LAMA3: variants seen among roughly 807,000 people sequenced by gnomAD.
The protein encoded by LAMA3 is laminin subunit alpha-3.
A neutral mutation model predicts 402.0 loss-of-function variants in LAMA3; 281 were observed. The ratio of observed to expected loss-of-function variants is 0.70; its 90% confidence interval spans 0.63 to 0.77. The LOEUF (loss-of-function observed/expected upper bound fraction) is 0.77. Among genes scored for constraint, LAMA3 ranks in the 30% least tolerant of loss-of-function variants. The pLI is 0.00. For missense variants in LAMA3, 3,840 were observed against 4,215.5 expected (o/e 0.91, Z 2.47); for synonymous variants, 1,431 against 1,558.4 (o/e 0.92, Z 1.93).
At chr18:23,944,059 A>G in intron 69 of LAMA3, 88 bp downstream of exon 69, 1 of 1,311,288 alleles carries the variant, frequency 7.6e-7, no homozygotes, top group Non-Finnish European at 1.1e-6. Context: ...CATCCTTCCC[A>G]GACATGAGGG....
chr18:23,819,610 T>C (rs1230778282), intron 18 of LAMA3, among the ~76,000 whole-genome samples: 2 of 152,238 alleles, frequency 1.3e-5, no homozygotes, highest in East Asian at 3.8e-4. Context: ...TAAACGATTT[T>C]CTCATCTTAA....
At chr18:23,753,669 AG>A (rs2061791290) in intron 5 of LAMA3, 51 bp from the exon 6 acceptor site, 1 of 1,400,454 alleles carries the variant, frequency 7.1e-7, no homozygotes, top group African/African-American at 1.4e-5. Flanking sequence ...AGTAAGAGAA[AG>A]TTTTTGTCAC....
intron 38 of LAMA3, 150 bp downstream of exon 38, chr18:23,871,811 C>T (rs1388273421): frequency 2.3e-5 from 16 of 690,762 alleles, no homozygotes; most frequent in Non-Finnish European, 3.9e-5. Flanking sequence ...CTTACTTAGA[C>T]TCCCTTCAGG....
chr18:23,787,835 C>T (rs2062575097), intron 12 of LAMA3, among the ~76,000 whole-genome samples: 2 of 152,092 alleles, frequency 1.3e-5, no homozygotes, highest in South Asian at 4.1e-4. Context: ...AAAGGATGTT[C>T]TTAAAGCTGA....
At chr18:23,884,394 T>C (rs146887934) in intron 40 of LAMA3, among the ~76,000 whole-genome samples, 2 of 152,206 alleles carry the variant, frequency 1.3e-5, no homozygotes, top group Non-Finnish European at 2.9e-5. Flanking sequence ...CGTTTTTTTT[T>C]AAAGAATCAG....
At chr18:23,816,559 C>T (rs1325640449) in intron 18 of LAMA3, 72 bp downstream of exon 18, 3 of 1,251,546 alleles carry the variant, frequency 2.4e-6, no homozygotes, top group Non-Finnish European at 3.5e-6. Flanking sequence ...GCCTGTGCTA[C>T]AGCTCTGGAG....
At chr18:23,801,398 A>G (rs901960764) in intron 12 of LAMA3, among the ~76,000 whole-genome samples, 1 of 152,178 alleles carries the variant, frequency 6.6e-6, no homozygotes, top group Admixed American at 6.6e-5. Context: ...AACCTCAGCA[A>G]CACTCAGTTT....
chr18:23,939,766 C>T (rs1015590200), intron 68 of LAMA3, among the ~76,000 whole-genome samples: 1 of 152,038 alleles, frequency 6.6e-6, no homozygotes, highest in East Asian at 1.9e-4. Context: ...TTTTGGTAGA[C>T]GCAGTGCCAG....
chr18:23,763,495 C>A lies in LAMA3; in HGVS notation c.1154C>A (p.Ala385Asp), dbSNP rs772044341. ...AGCTTGAATACCCAGGGCATCTATG[C>A]TGGTGGAGGGGTCTGCATTAACTGT... The part of the protein sequence containing the change: ...QASLNTQGIY[A>D]GGGVCINCQH... The change falls in exon 8 of 75, where the codon GCT becomes GAT. Residue 385 changes from alanine (A) to aspartate (D), a missense_variant. This residue lies in a region of LAMA3 where 2,109 missense variants were observed against 2,376.0 expected (regional missense o/e 0.89). Coordinates refer to ENST00000313654, the MANE Select transcript of LAMA3 (RefSeq NM_198129.4). 1.5e-4 allele frequency: 243 copies of A among 1,610,584 alleles called. 1 individual carries two copies. The highest frequency in any genetic ancestry group is 3.7e-5 in the Non-Finnish European group (43 of 1,176,970).
chr18:23,915,517 A>C (rs1356695725), intron 59 of LAMA3, 95 bp downstream of exon 59: 1 of 1,231,680 alleles, frequency 8.1e-7, no homozygotes, highest in Non-Finnish European at 1.2e-6. Flanking sequence ...GTGAGATGCT[A>C]TTGATGTTGC....
Position 23,899,455 on chromosome 18 carries a change from T to C in LAMA3, c.6004T>C (p.Leu2002=). ...AGCTGATAAAAGGGAGTCGCAGCTCTGTAAGAATGCTCCCAAATTCTTGCA... is the reference window on the plus strand; with the variant it reads ...AGCTGATAAAAGGGAGTCGCAGCTCCGTAAGAATGCTCCCAAATTCTTGCA... The part of the protein sequence containing the change: ...AEADKRESQL[L]LNRIRTWQKT... The change falls in exon 47 of 75, where the codon TTG becomes CTG. Residue 2002 remains leucine (L), a splice_region_variant and synonymous_variant. Coordinates refer to ENST00000313654, the MANE Select transcript of LAMA3 (RefSeq NM_198129.4). 6.2e-7 allele frequency: 1 copy of C among 1,613,988 alleles called. No individual in the cohort carries two copies. Among genetic ancestry groups the C allele is most frequent in the African/African-American group, 1.3e-5 (1 of 75,060 alleles).
chr18:23,902,581 C>T (rs2081108659), intron 48 of LAMA3, among the ~76,000 whole-genome samples: 1 of 152,182 alleles, frequency 6.6e-6, no homozygotes, highest in Non-Finnish European at 1.5e-5. Flanking sequence ...GGCCTCTGAA[C>T]TCTGGCAGCC....
At chr18:23,693,155 C>T (rs1325227663) in intron 1 of LAMA3, among the ~76,000 whole-genome samples, 1 of 152,072 alleles carries the variant, frequency 6.6e-6, no homozygotes, top group Admixed American at 6.6e-5. Context: ...ACCAGCTTGG[C>T]CAGCATGGTG....
intron 70 of LAMA3, 89 bp from the exon 71 acceptor site, chr18:23,949,676 C>A: frequency 7.8e-7 from 1 of 1,286,386 alleles, no homozygotes; most frequent in Non-Finnish European, 1.1e-6. Context: ...CCCCCTTTTG[C>A]TGACAAGCTG....
At chr18:23,928,073 C>G (rs377482112) in intron 62 of LAMA3, 50 bp from the exon 63 acceptor site, 1 of 1,293,858 alleles carries the variant, frequency 7.7e-7, no homozygotes. Context: ...TCTGATTTCA[C>G]GTGAGCCTGA....
At chr18:23,884,027 G>A (rs1181936125) in intron 40 of LAMA3, among the ~76,000 whole-genome samples, 4 of 150,386 alleles carry the variant, frequency 2.7e-5, no homozygotes, top group Non-Finnish European at 5.9e-5. Context: ...CAGACAACAG[G>A]GCTTTTTCAT....
intron 15 of LAMA3, among the ~76,000 whole-genome samples, chr18:23,814,886 A>T (rs904880056): frequency 6.6e-6 from 1 of 152,258 alleles, no homozygotes; most frequent in African/African-American, 2.4e-5. Flanking sequence ...ATTTTCATGC[A>T]TGCATATCAG....
intron 6 of LAMA3, among the ~76,000 whole-genome samples, chr18:23,757,528 G>A (rs1031354050): frequency 1.5e-5 from 2 of 134,440 alleles, no homozygotes; most frequent in African/African-American, 5.4e-5. Flanking sequence ...GCTCCCCCCA[G>A]CAGTTGCCAA....
intron 50 of LAMA3, 95 bp from the exon 51 acceptor site, chr18:23,904,456 AAG>A: frequency 6.8e-6 from 9 of 1,314,800 alleles, no homozygotes; most frequent in South Asian, 5.6e-5. Context: ...AAAAAAAAGA[AAG>A]AAAAAATAAA....
Sources: allele counts gnomAD v4.1 joint callset (sites outside exome capture counted in the v4.1 genomes callset), GRCh38; gene constraint gnomAD v4.1.1; regional missense constraint gnomAD v4.1.1; transcripts MANE v1.5; gene names NCBI Gene and HGNC (gene_info 2026-07-23, HGNC 2026-07-21).